Variants in CNTFR observed in about 807,000 individuals in gnomAD.
CNTFR encodes the protein ciliary neurotrophic factor receptor.
In CNTFR, 12 loss-of-function variants were observed where a neutral mutation model predicts 40.4. The observed-to-expected ratio is 0.30, with a 90% CI of 0.19 to 0.48. The LOEUF is 0.48. CNTFR is among the 20% of genes least tolerant of loss of function. The pLI is 0.99. For missense variants in CNTFR, 414 were observed against 506.8 expected, an observed-to-expected ratio of 0.82 and a Z score of 1.76; for synonymous variants, 202 against 209.6, an observed-to-expected ratio of 0.96 and a Z score of 0.31.
intron 2 of CNTFR, among the ~76,000 whole-genome samples, chr9:34,579,217 G>C (rs1405840800): frequency 6.6e-6 from 1 of 152,110 alleles, no homozygotes; most frequent in Non-Finnish European, 1.5e-5. Flanking sequence ...AAAGGGGCTG[G>C]AACGGGGGAG....
chr9:34,554,537 A>G (rs1825759924), intron 7 of CNTFR, among the ~76,000 whole-genome samples: 1 of 152,104 alleles, frequency 6.6e-6, no homozygotes, highest in South Asian at 2.1e-4. Flanking sequence ...AGTCACTGAC[A>G]TTGGCCTCCC....
At position 34,552,774 on chromosome 9, in the gene CNTFR, C is replaced by T. The variant is rs780031059; in HGVS notation, c.849G>A (p.Lys283=). Residue 283 remains lysine, a synonymous_variant, in exon 8 of 10, where the codon AAG becomes AAA. Transcript: ENST00000378980. The surrounding 1 kb of genome is among the most constrained non-coding windows in gnomAD (Gnocchi z 5.1). The part of the protein sequence containing the change: ...GKEYIIQVAA[K]DNEIGTWSDW... ...CACTCCATGTCCCAATCTCATTGTC[C>T]TTGGCTGCCACCTGGATAATGTACT... 3 of 1,613,874 alleles carry T rather than the reference C, an allele frequency of 1.9e-6. No homozygotes were observed. Among genetic ancestry groups the T allele is most frequent in the Non-Finnish European group, 2.5e-6 (3 of 1,179,922 alleles).
intron 4 of CNTFR, among the ~76,000 whole-genome samples, chr9:34,558,330 T>TTG (rs1825933661): frequency 6.6e-6 from 1 of 152,130 alleles, no homozygotes; most frequent in Admixed American, 6.5e-5. Flanking sequence ...TCCTGCCACT[T>TTG]TGTGTCCACT....
In CNTFR at chr9:34,556,369, G is replaced by A. The variant is rs752667210; in HGVS notation, c.654C>T (p.Asn218=). 6.2e-7 allele frequency: 1 copy of A among 1,613,896 alleles called. No individual in the cohort carries two copies. The highest frequency in any genetic ancestry group is 1.3e-5 in the African/African-American group (1 of 75,042). ...ENVVARPVPS[N]PRRLEVTWQT... The stretch of plus-strand genomic sequence containing the variant: ...GCCACGTCACCTCCAGCCGGCGAGG[G>A]TTGCTGGGCACTGGCCGGGCTACCA... The change falls in exon 7 of 10, where the codon AAC becomes AAT. Residue 218 remains asparagine (N), a synonymous_variant. Coordinates refer to ENST00000378980, the MANE Select transcript of CNTFR (RefSeq NM_147164.3).
chr9:34,556,479 C>T (rs1449919144), intron 6 of CNTFR, 61 bp from the exon 7 acceptor site: 12 of 1,500,110 alleles, frequency 8.0e-6, no homozygotes, highest in Middle Eastern at 1.8e-4. Flanking sequence ...ACTTTGTCAA[C>T]TCCAGCCACC....
chr9:34,567,626 T>C (rs1826368607), intron 3 of CNTFR, among the ~76,000 whole-genome samples: 1 of 151,708 alleles, frequency 6.6e-6, no homozygotes, highest in South Asian at 2.1e-4. Flanking sequence ...GACAGTTTAA[T>C]ACAAACACAC....
upstream of CNTFR, chr9:34,590,156 A>ACGCG (rs201362540): frequency 2.7e-5 from 4 of 148,568 alleles, no homozygotes; most frequent in African/African-American, 1.0e-4. Flanking sequence ...GGTCTCGCAA[A>ACGCG]CGCGCGCGCG....
intron 2 of CNTFR, chr9:34,580,139 G>C (rs1247594304): frequency 6.6e-6 from 1 of 152,206 alleles, no homozygotes; most frequent in Non-Finnish European, 1.5e-5. Flanking sequence ...AGTTTGCGGA[G>C]GATTACGTGC....
intron 2 of CNTFR, among the ~76,000 whole-genome samples, chr9:34,576,464 C>A (rs1302749119): frequency 6.6e-6 from 1 of 152,224 alleles, no homozygotes; most frequent in East Asian, 1.9e-4. Context: ...ACATACACAC[C>A]CTGAACAGCC....
intron 2 of CNTFR, among the ~76,000 whole-genome samples, chr9:34,577,828 AC>A (rs1564072901): frequency 1.4e-5 from 2 of 148,050 alleles, no homozygotes; most frequent in African/African-American, 5.0e-5. Context: ...GGGGGGAGAG[AC>A]AGAGAAGAGA....
upstream of CNTFR, among the ~76,000 whole-genome samples, chr9:34,590,494 C>T (rs1250943263): frequency 6.6e-6 from 1 of 152,228 alleles, no homozygotes; most frequent in Admixed American, 6.5e-5. Context: ...TCCCGGTCAC[C>T]CCCTCGCGCG....
At chr9:34,564,399 T>C (rs79196963) in intron 4 of CNTFR, among the ~76,000 whole-genome samples, 200 bp downstream of exon 4, 2 of 152,180 alleles carry the variant, frequency 1.3e-5, no homozygotes, top group Non-Finnish European at 2.9e-5. Flanking sequence ...TGTGGGCAAA[T>C]TGTCTAGGGG....
At chr9:34,562,529 C>G (rs889266048) in intron 4 of CNTFR, among the ~76,000 whole-genome samples, 5 of 152,158 alleles carry the variant, frequency 3.3e-5, no homozygotes, top group Non-Finnish European at 2.9e-5. Flanking sequence ...TGTGGAAGAC[C>G]CTGAACAACC....
intron 2 of CNTFR, among the ~76,000 whole-genome samples, chr9:34,576,853 T>C (rs1564072215): frequency 6.6e-6 from 1 of 152,246 alleles, no homozygotes; most frequent in Non-Finnish European, 1.5e-5. Flanking sequence ...CTATCTGCTG[T>C]GTGATCCCAA....
intron 2 of CNTFR, among the ~76,000 whole-genome samples, chr9:34,577,921 AGGCGGGCTG>A (rs1221020166): frequency 1.5e-5 from 2 of 131,622 alleles, no homozygotes; most frequent in South Asian, 2.4e-4. Context: ...GGAAGCGCCG[AGGCGGGCTG>A]GGCGGGCTGG....
intron 1 of CNTFR, among the ~76,000 whole-genome samples, chr9:34,583,142 C>A (rs1270334107): frequency 2.0e-5 from 3 of 152,200 alleles, no homozygotes; most frequent in African/African-American, 7.2e-5. Flanking sequence ...CTATGGTCCC[C>A]TCCATCCTCA....
intron 4 of CNTFR, 60 bp downstream of exon 4, chr9:34,564,539 C>T: frequency 6.9e-7 from 1 of 1,449,454 alleles, no homozygotes; most frequent in East Asian, 2.4e-5. Context: ...TTGATCTGGG[C>T]TAGGAGTCTG....
At chr9:34,569,092 C>T in intron 2 of CNTFR, 111 bp from the exon 3 acceptor site, 1 of 989,498 alleles carries the variant, frequency 1.0e-6, no homozygotes, top group South Asian at 1.5e-5. Context: ...CCCTAGGGCC[C>T]TGGAGAGGCC....
intron 2 of CNTFR, among the ~76,000 whole-genome samples, chr9:34,579,155 C>T (rs934033687): frequency 1.2e-4 from 19 of 152,206 alleles, no homozygotes; most frequent in African/African-American, 4.3e-4. Flanking sequence ...TACCCTCCTC[C>T]CTTCGCCCCT....
Sources: gnomAD v4.1 joint callset for allele counts (sites outside exome capture counted in the v4.1 genomes callset) on GRCh38, gnomAD v4.1.1 for gene constraint, Gnocchi (gnomAD v3.1) non-coding constraint, MANE v1.5 for transcripts, NCBI Gene and HGNC (gene_info 2026-07-23, HGNC 2026-07-21) for gene names.